NRG3: variants seen among roughly 807,000 people sequenced by gnomAD.
The protein encoded by NRG3 is pro-neuregulin-3, membrane-bound isoform.
Under a neutral mutation model 66.9 loss-of-function variants are expected in NRG3, and 31 were observed. That is an observed-to-expected ratio of 0.46 (90% CI 0.35 to 0.63). The LOEUF is 0.63. NRG3 is among the 20% of genes least tolerant of loss of function. The probability of loss-of-function intolerance (pLI) is 0.00; values close to 1 mark genes in which losing one functional copy is unlikely to be tolerated. For missense variants in NRG3, 910 were observed against 878.9 expected, an observed-to-expected ratio of 1.04 and a Z score of -0.45; for synonymous variants, 393 against 359.4, an observed-to-expected ratio of 1.09 and a Z score of -1.06.
chr10:82,904,655 T>A (rs1844553851), intron 4 of NRG3, among the ~76,000 whole-genome samples: 1 of 152,132 alleles, frequency 6.6e-6, no homozygotes, highest in Non-Finnish European at 1.5e-5. Context: ...GGCATATGAA[T>A]GGGATATGCC....
chr10:82,969,641 T>C (rs1027535364), intron 6 of NRG3, among the ~76,000 whole-genome samples: 1 of 152,240 alleles, frequency 6.6e-6, no homozygotes, highest in African/African-American at 2.4e-5. Flanking sequence ...TTGGAAGTTA[T>C]TGAAAATAAA....
chr10:81,964,395 C>CAAA (rs58231167), intron 1 of NRG3, among the ~76,000 whole-genome samples: 603 of 63,000 alleles, frequency 9.6e-3, no homozygotes, highest in Non-Finnish European at 0.015. Flanking sequence ...GACTCTGTCT[C>CAAA]AAAAAAAAAA....
intron 1 of NRG3, among the ~76,000 whole-genome samples, chr10:82,131,823 C>A (rs959363164): frequency 2.6e-5 from 4 of 151,590 alleles, no homozygotes; most frequent in African/African-American, 4.8e-5. Flanking sequence ...TTTTTTATTT[C>A]TTTTTCAGAT....
intron 1 of NRG3, among the ~76,000 whole-genome samples, chr10:81,991,342 T>A (rs759050550): frequency 6.6e-6 from 1 of 152,166 alleles, no homozygotes; most frequent in African/African-American, 2.4e-5. Context: ...ATAACAAGTA[T>A]AAATTGTAGA....
chr10:82,353,866 C>T (rs546764577), intron 1 of NRG3, among the ~76,000 whole-genome samples: 3 of 152,098 alleles, frequency 2.0e-5, no homozygotes, highest in South Asian at 2.1e-4. Context: ...GTTTTCTTCT[C>T]GTTTGTCCTC....
At chr10:82,456,131 C>A (rs1475092136) in intron 2 of NRG3, among the ~76,000 whole-genome samples, 2 of 131,784 alleles carry the variant, frequency 1.5e-5, no homozygotes, top group African/African-American at 5.4e-5. Context: ...AAATATTTTT[C>A]TGTCACTTTT....
intron 1 of NRG3, among the ~76,000 whole-genome samples, chr10:81,954,508 A>G (rs1338660608): frequency 6.6e-6 from 1 of 152,124 alleles, no homozygotes; most frequent in African/African-American, 2.4e-5. Context: ...AAGAAACTAC[A>G]AGAAAACAAG....
At chr10:82,542,796 C>T (rs1034213922) in intron 2 of NRG3, among the ~76,000 whole-genome samples, 16 of 152,136 alleles carry the variant, frequency 1.1e-4, no homozygotes, top group South Asian at 4.2e-4. Flanking sequence ...GGGCAATCTT[C>T]GTAAGTGTCA....
intron 3 of NRG3, among the ~76,000 whole-genome samples, chr10:82,864,259 A>T (rs1054375735): frequency 1.4e-4 from 21 of 152,290 alleles, no homozygotes; most frequent in Admixed American, 1.4e-3. Flanking sequence ...TTAATAATTA[A>T]TGACACTGAG....
Position 82,536,420 on chromosome 10 carries a change from G to T in NRG3, c.953+177552G>T, listed in dbSNP as rs371506655. Among the ~76,000 whole-genome samples, 72 of 152,288 alleles carry T rather than the reference G, an allele frequency of 4.7e-4. 1 individual carries two copies. Among genetic ancestry groups the T allele is most frequent in the African/African-American group, 1.6e-3 (65 of 41,558 alleles). ...TTGTTTTACTCGCATAGAGTTAGGG[G>T]TCAGAATTTCTCTATTTTACAAACA... On this transcript the variant is annotated intron_variant, in intron 2 of 8. Coordinates refer to ENST00000372141, the MANE Select transcript of NRG3 (RefSeq NM_001010848.4).
intron 1 of NRG3, among the ~76,000 whole-genome samples, chr10:82,300,494 G>A (rs2080333312): frequency 6.6e-6 from 1 of 152,124 alleles, no homozygotes; most frequent in African/African-American, 2.4e-5. Flanking sequence ...TTGCCATAAT[G>A]TTCATCCCTT....
chr10:82,589,560 A>G (rs2133292839), intron 2 of NRG3, among the ~76,000 whole-genome samples: 1 of 152,272 alleles, frequency 6.6e-6, no homozygotes, highest in East Asian at 1.9e-4. Flanking sequence ...CTTCATTTCA[A>G]TATTTATATA....
intron 2 of NRG3, among the ~76,000 whole-genome samples, chr10:82,551,216 A>AAG (rs1453718751): frequency 6.6e-6 from 1 of 152,160 alleles, no homozygotes; most frequent in Non-Finnish European, 1.5e-5. Context: ...ATGCTTACTA[A>AAG]AGAGAGAGAG....
intron 3 of NRG3, among the ~76,000 whole-genome samples, chr10:82,762,196 C>T (rs965292180): frequency 6.6e-6 from 1 of 151,812 alleles, no homozygotes; most frequent in Non-Finnish European, 1.5e-5. Context: ...CCATGTTGCC[C>T]AGGCTGGTCT....
At chr10:82,645,229 A>T (rs1327583164) in intron 2 of NRG3, among the ~76,000 whole-genome samples, 1 of 152,134 alleles carries the variant, frequency 6.6e-6, no homozygotes, top group Non-Finnish European at 1.5e-5. Flanking sequence ...TTTACACAAG[A>T]CTTGAAAAGC....
At chr10:82,231,289 C>T (rs573056575) in intron 1 of NRG3, among the ~76,000 whole-genome samples, 2 of 151,964 alleles carry the variant, frequency 1.3e-5, no homozygotes, top group East Asian at 3.9e-4. Flanking sequence ...AGTGAGGTTG[C>T]AGTGAGCCAT....
intron 2 of NRG3, among the ~76,000 whole-genome samples, chr10:82,719,215 G>T (rs1319872171): frequency 3.3e-5 from 5 of 152,144 alleles, no homozygotes; most frequent in Non-Finnish European, 5.9e-5. Context: ...GTGTGTATTG[G>T]AAGTAATAGT....
intron 2 of NRG3, among the ~76,000 whole-genome samples, chr10:82,429,185 T>C (rs2089638070): frequency 6.6e-6 from 1 of 152,056 alleles, no homozygotes; most frequent in South Asian, 2.1e-4. Flanking sequence ...TCAACACAGT[T>C]TTATCCTTAT....
At chr10:82,206,462 C>T (rs1203620772) in intron 1 of NRG3, among the ~76,000 whole-genome samples, 1 of 152,144 alleles carries the variant, frequency 6.6e-6, no homozygotes, top group Non-Finnish European at 1.5e-5. Context: ...GCAGGCAGAC[C>T]CTTCTGATCC....
Sources: allele counts gnomAD v4.1 joint callset (sites outside exome capture counted in the v4.1 genomes callset), GRCh38; gene constraint gnomAD v4.1.1; transcripts MANE v1.5; gene names NCBI Gene and HGNC (gene_info 2026-07-23, HGNC 2026-07-21).